The following DENND3 variants were observed in gnomAD, a reference collection of about 807,000 sequenced individuals.
DENND3 encodes DENN domain containing 3.
Under a neutral mutation model 135.1 loss-of-function variants are expected in DENND3, and 88 were observed. The observed-to-expected ratio is 0.65, with a 90% CI of 0.55 to 0.78. The LOEUF (loss-of-function observed/expected upper bound fraction) is 0.78, where lower values mean the gene tolerates loss of function less well. Among genes scored for constraint, DENND3 ranks in the 30% least tolerant of loss-of-function variants. DENND3 has a pLI of 0.00. For synonymous variants in DENND3, 693 were observed against 712.3 expected, an observed-to-expected ratio of 0.97 and a Z score of 0.43; for missense variants, 1,392 against 1,688.4, an observed-to-expected ratio of 0.82 and a Z score of 3.08.
At chr8:141,136,112 C>T (rs1269040467) in intron 1 of DENND3, among the ~76,000 whole-genome samples, 1 of 152,230 alleles carries the variant, frequency 6.6e-6, no homozygotes, top group Non-Finnish European at 1.5e-5. Flanking sequence ...CACATTGTCT[C>T]TGTTATTCCC....
rs1822152918 is a variant in DENND3, at chr8:141,175,069, C to CG, written c.2276-130dup. On this transcript the variant is annotated intron_variant, in intron 13 of 22. Transcript: ENST00000519811. This position sits in a 1 kb window ranked among gnomAD's most constrained non-coding sequence, Gnocchi z 5.4. ...AACCTTCTAGGCAGTTTCCATCCAG[C>CG]GCCCTGAGTGCTGGCGCCACCTGCT... The CG allele has an allele frequency of 9.4e-7, 1 of 1,059,388 alleles. No homozygotes were observed. Among genetic ancestry groups the CG allele is most frequent in the African/African-American group, 1.6e-5 (1 of 62,864 alleles). The allele number at this position is 1,059,388 out of a possible 1,614,324, so 65.6% of individuals were successfully genotyped here.
At chr8:141,153,586 G>T in intron 7 of DENND3, among the ~76,000 whole-genome samples, 1 of 152,224 alleles carries the variant, frequency 6.6e-6, no homozygotes, top group Non-Finnish European at 1.5e-5. Context: ...GGCTGGGCCC[G>T]GCCAGGGTCC....
chr8:141,151,843 G>A lies in DENND3; in HGVS notation c.1074+6G>A. 6.2e-7 allele frequency: 1 copy of A among 1,613,476 alleles called. No individual in the cohort carries two copies. Among genetic ancestry groups the A allele is most frequent in the Non-Finnish European group, 8.5e-7 (1 of 1,179,736 alleles). The stretch of plus-strand genomic sequence containing the variant: ...ACTTCGAAGAAGTCAGCAAGGTTAG[G>A]TAGCGAACCTTTGACTTGGAATGCT... On this transcript the variant is annotated splice_donor_region_variant and intron_variant, in intron 7 of 22. Coordinates refer to ENST00000519811, the MANE Select transcript of DENND3 (RefSeq NM_001352890.3).
intron 6 of DENND3, among the ~76,000 whole-genome samples, 154 bp from the exon 7 acceptor site, chr8:141,151,465 G>GT (rs1204559429): frequency 8.9e-6 from 1 of 112,898 alleles, no homozygotes; most frequent in Non-Finnish European, 1.8e-5. Context: ...GGAGGCCAAG[G>GT]TGGGAGGATT....
intron 4 of DENND3, chr8:141,142,205 G>T (rs1817545533): frequency 8.5e-6 from 3 of 352,852 alleles, no homozygotes; most frequent in Non-Finnish European, 1.7e-5. Context: ...CCCAAGTTCA[G>T]ACATGGTCAG....
chr8:141,169,421 C>T (rs1349489874), intron 13 of DENND3, among the ~76,000 whole-genome samples: 1 of 152,266 alleles, frequency 6.6e-6, no homozygotes. Flanking sequence ...GATGAAGACG[C>T]TCCTTGTCCG....
chr8:141,159,384 C>T (rs1364580851), intron 8 of DENND3, among the ~76,000 whole-genome samples: 4 of 152,212 alleles, frequency 2.6e-5, no homozygotes, highest in East Asian at 1.9e-4. Flanking sequence ...CATGCTGGGC[C>T]GCACTGGGTC....
At chr8:141,193,652 T>G (rs1222580426) in intron 22 of DENND3, 5 of 197,754 alleles carry the variant, frequency 2.5e-5, no homozygotes, top group African/African-American at 4.6e-5. Context: ...GGGGTATAAT[T>G]GATGAATAAA....
chr8:141,169,120 A>G (rs767133875), intron 13 of DENND3, among the ~76,000 whole-genome samples: 4 of 152,240 alleles, frequency 2.6e-5, no homozygotes, highest in Non-Finnish European at 5.9e-5. Context: ...TGGCCCCCCA[A>G]AGTGCTGGGA....
At chr8:141,135,152 CTTTTTTT>C (rs532006355) in intron 1 of DENND3, among the ~76,000 whole-genome samples, 3 of 134,956 alleles carry the variant, frequency 2.2e-5, no homozygotes, top group South Asian at 4.7e-4. Context: ...TTCTTTCTTT[CTTTTTTT>C]TTTTTTTTTT....
rs1430928718 is a variant in DENND3, at chr8:141,137,023, A to G, written c.385+232A>G. On this transcript the variant is annotated intron_variant, in intron 2 of 22. Coordinates refer to ENST00000519811, the MANE Select transcript of DENND3 (RefSeq NM_001352890.3). This position sits in a 1 kb window ranked among gnomAD's most constrained non-coding sequence, Gnocchi z 4.1. ...GAGACGGAGCGTCACTCTGTCACTCAGGCTGGAGTTCAGTGGCACAATCTC... is the reference window on the plus strand; with the variant it reads ...GAGACGGAGCGTCACTCTGTCACTCGGGCTGGAGTTCAGTGGCACAATCTC... Among the ~76,000 whole-genome samples, 1 of 152,090 alleles carries G rather than the reference A, an allele frequency of 6.6e-6. No homozygotes were observed. The highest frequency in any genetic ancestry group is 1.5e-5 in the Non-Finnish European group (1 of 68,010).
At chr8:141,170,863 C>T (rs1342272818) in intron 13 of DENND3, among the ~76,000 whole-genome samples, 3 of 152,236 alleles carry the variant, frequency 2.0e-5, no homozygotes, top group South Asian at 2.1e-4. Flanking sequence ...TGCTGTCTCC[C>T]GGTCACGAGC....
chr8:141,155,770 A>G (rs1451060679), intron 7 of DENND3, 79 bp from the exon 8 acceptor site: 50 of 1,485,022 alleles, frequency 3.4e-5, no homozygotes, highest in Non-Finnish European at 4.4e-5. Flanking sequence ...AACTCAAAAC[A>G]TATTTATGTG....
intron 19 of DENND3, 34 bp from the exon 20 acceptor site, chr8:141,190,250 G>A: frequency 1.9e-6 from 3 of 1,539,466 alleles, no homozygotes; most frequent in Non-Finnish European, 2.6e-6. Context: ...AGGGGCCCAA[G>A]TTAAAGGTGT....
intron 18 of DENND3, 34 bp downstream of exon 18, chr8:141,185,312 G>A: frequency 1.9e-6 from 3 of 1,612,174 alleles, no homozygotes; most frequent in South Asian, 1.1e-5. Context: ...AGAAGCCTCT[G>A]AATTCACGTG....
rs1824548453 is a variant in DENND3, at chr8:141,190,323, G to A, written c.3285G>A (p.Val1095=). ...GCAGCATGGACGGCATGGTGCTGGT[G>A]TGGAATGTGAGCACACTGCAGGTGA... ...YSCSMDGMVL[V]WNVSTLQVTS... The change falls in exon 20 of 23, where the codon GTG becomes GTA. Residue 1095 remains valine (V), a synonymous_variant. Transcript: ENST00000519811. The A allele has an allele frequency of 5.0e-6, 8 of 1,613,128 alleles. No homozygotes were observed. Among genetic ancestry groups the A allele is most frequent in the African/African-American group, 1.3e-5 (1 of 74,924 alleles).
Position 141,178,079 on chromosome 8 carries a change from G to T in DENND3, c.2719G>T (p.Val907Phe). Residue 907 changes from valine to phenylalanine, a missense_variant, in exon 16 of 23, where the codon GTC (valine) becomes TTC (phenylalanine). Physicochemically the swap from Val to Phe is conservative, Grantham distance 50. Coordinates refer to ENST00000519811, the MANE Select transcript of DENND3 (RefSeq NM_001352890.3). ...LADDHKDPHY[V>F]QQALTNVLLM... ...GTTTCTGTTGTAGGACCCTCACTAC[G>T]TCCAGCAGGCGCTGACCAACGTCTT... The T allele has an allele frequency of 6.2e-7, 1 of 1,607,548 alleles. No individual in the cohort carries two copies. Among genetic ancestry groups the T allele is most frequent in the Non-Finnish European group, 8.5e-7 (1 of 1,174,714 alleles).
At chr8:141,155,279 A>G (rs1040647942) in intron 7 of DENND3, among the ~76,000 whole-genome samples, 1 of 152,160 alleles carries the variant, frequency 6.6e-6, no homozygotes, top group Non-Finnish European at 1.5e-5. Flanking sequence ...TGTTTATTTT[A>G]CCACAATTAA....
intron 13 of DENND3, chr8:141,173,622 G>A (rs1821940981): frequency 6.6e-6 from 1 of 152,266 alleles, no homozygotes; most frequent in Non-Finnish European, 1.5e-5. Context: ...TCCCTAGACA[G>A]GCATCGCTGT....
Sources: allele counts gnomAD v4.1 joint callset (sites outside exome capture counted in the v4.1 genomes callset), GRCh38; gene constraint gnomAD v4.1.1; non-coding constraint Gnocchi (gnomAD v3.1); transcripts MANE v1.5; gene names NCBI Gene and HGNC (gene_info 2026-07-23, HGNC 2026-07-21).